The following CSNK1G3 variants were observed in gnomAD, a reference collection of about 807,000 sequenced individuals.
CSNK1G3 encodes the protein casein kinase 1 gamma 3.
A neutral mutation model predicts 64.3 loss-of-function variants in CSNK1G3; 23 were observed. That is an observed-to-expected ratio of 0.36 (90% confidence interval 0.26 to 0.51). The LOEUF (loss-of-function observed/expected upper bound fraction) is 0.51, where lower values mean the gene tolerates loss of function less well. Among genes scored for constraint, CSNK1G3 ranks in the 20% least tolerant of loss-of-function variants. The pLI is 0.96. For missense variants in CSNK1G3, 357 were observed against 510.5 expected (o/e 0.70, Z 2.90); for synonymous variants, 158 against 162.2 (o/e 0.97, Z 0.20).
chr5:123,602,484 C>T (rs995639323), intron 10 of CSNK1G3, among the ~76,000 whole-genome samples: 2 of 152,140 alleles, frequency 1.3e-5, no homozygotes, highest in Admixed American at 6.6e-5. Context: ...ACTATAAATA[C>T]TACTTTTAAG....
intron 6 of CSNK1G3, among the ~76,000 whole-genome samples, chr5:123,583,045 C>T (rs1353768949): frequency 1.3e-5 from 2 of 152,202 alleles, no homozygotes; most frequent in East Asian, 3.9e-4. Context: ...TCTGATAGAA[C>T]CATGTAGGCG....
intron 4 of CSNK1G3, among the ~76,000 whole-genome samples, chr5:123,569,526 A>G (rs1432880301): frequency 1.3e-5 from 2 of 152,250 alleles, no homozygotes; most frequent in Non-Finnish European, 2.9e-5. Context: ...CATGTATTTC[A>G]AATACTAACA....
intron 10 of CSNK1G3, 77 bp from the exon 11 acceptor site, chr5:123,594,962 A>G (rs1793146465): frequency 1.6e-6 from 2 of 1,225,724 alleles, no homozygotes; most frequent in Non-Finnish European, 1.2e-6. Flanking sequence ...TTTGTTTTAT[A>G]TATTATGAGG....
chr5:123,562,038 T>C (rs558915048), intron 4 of CSNK1G3, among the ~76,000 whole-genome samples: 1 of 152,164 alleles, frequency 6.6e-6, no homozygotes, highest in Non-Finnish European at 1.5e-5. Context: ...GGCACATCAT[T>C]TAGTATAAAG....
chr5:123,593,649 T>C (rs1049521459), intron 10 of CSNK1G3, among the ~76,000 whole-genome samples: 1 of 152,248 alleles, frequency 6.6e-6, no homozygotes, highest in Admixed American at 6.5e-5. Flanking sequence ...TTCATCTGAT[T>C]TGATTTCAAC....
chr5:123,581,850 CT>C (rs1177091466), intron 6 of CSNK1G3, among the ~76,000 whole-genome samples: 3 of 151,602 alleles, frequency 2.0e-5, no homozygotes, highest in African/African-American at 7.3e-5. Context: ...CCTTTTCTTC[CT>C]TGTAGTAGAT....
rs146206513 is a variant in CSNK1G3, at chr5:123,610,941, C to A, written c.1218-3401C>A. On this transcript the variant is annotated intron_variant, in intron 12 of 12. Transcript: ENST00000345990. ...CAGTTTGTTGGGCTATAACTGTGAG[C>A]AGTCCTTTATGAAGCTTAAATTCTA... 1.6e-4 allele frequency among the ~76,000 whole-genome samples: 25 copies of A among 152,316 alleles called. 1 individual carries two copies. Among genetic ancestry groups the A allele is most frequent in the Admixed American group, 9.1e-4 (14 of 15,306 alleles).
At chr5:123,527,207 C>A (rs1028749914) in intron 1 of CSNK1G3, among the ~76,000 whole-genome samples, 1 of 152,132 alleles carries the variant, frequency 6.6e-6, no homozygotes, top group African/African-American at 2.4e-5. Flanking sequence ...TCAATGAATG[C>A]AATCTTCATT....
intron 4 of CSNK1G3, among the ~76,000 whole-genome samples, chr5:123,565,948 G>C (rs1050226973): frequency 6.6e-6 from 1 of 152,120 alleles, no homozygotes; most frequent in South Asian, 2.1e-4. Flanking sequence ...ATAACTCAAC[G>C]TAAGATTTAG....
At chr5:123,556,401 A>G (rs1249507216) in intron 3 of CSNK1G3, among the ~76,000 whole-genome samples, 2 of 151,886 alleles carry the variant, frequency 1.3e-5, no homozygotes, top group Admixed American at 1.3e-4. Flanking sequence ...TTTCCTCCTG[A>G]TACTGTTATC....
intron 1 of CSNK1G3, among the ~76,000 whole-genome samples, chr5:123,537,081 A>G (rs980407170): frequency 1.3e-5 from 2 of 152,194 alleles, no homozygotes; most frequent in African/African-American, 4.8e-5. Flanking sequence ...CAATCTCACT[A>G]CTGGGTATCT....
At chr5:123,545,561 C>A in exon 2 of CSNK1G3, 1 of 822,280 alleles carries the variant, frequency 1.2e-6, no homozygotes, top group East Asian at 2.7e-5. Context: ...TTAACATTAC[C>A]CATCTGGTAC....
intron 6 of CSNK1G3, among the ~76,000 whole-genome samples, chr5:123,578,700 CTT>C (rs1387054245): frequency 1.3e-5 from 2 of 151,878 alleles, no homozygotes; most frequent in African/African-American, 2.4e-5. Flanking sequence ...GTAAACAAAT[CTT>C]TACCTTCATT....
At chr5:123,567,566 A>C (rs1337595787) in intron 4 of CSNK1G3, among the ~76,000 whole-genome samples, 1 of 152,152 alleles carries the variant, frequency 6.6e-6, no homozygotes, top group Non-Finnish European at 1.5e-5. Context: ...AGATCGCACA[A>C]CTGTATTCCA....
chr5:123,545,807 A>G, exon 2 of CSNK1G3: 1 of 1,613,654 alleles, frequency 6.2e-7, no homozygotes, highest in Non-Finnish European at 8.5e-7. Context: ...TTGGAAAAAA[A>G]ATTGGATGTG....
At chr5:123,544,510 T>C (rs1388287321) in intron 1 of CSNK1G3, among the ~76,000 whole-genome samples, 1 of 152,192 alleles carries the variant, frequency 6.6e-6, no homozygotes, top group Non-Finnish European at 1.5e-5. Context: ...CCTTGTTTCT[T>C]CATTAGTGAC....
At chr5:123,535,896 G>A (rs965939116) in intron 1 of CSNK1G3, among the ~76,000 whole-genome samples, 1 of 151,980 alleles carries the variant, frequency 6.6e-6, no homozygotes, top group Non-Finnish European at 1.5e-5. Context: ...ACTTGACTCT[G>A]GATCCTCTTT....
At chr5:123,546,019 C>CT in intron 2 of CSNK1G3, 178 bp downstream of exon 2, 1 of 607,188 alleles carries the variant, frequency 1.6e-6, no homozygotes, top group South Asian at 2.1e-5. Context: ...AAGGAATTCC[C>CT]TAGTATAGGA....
At chr5:123,616,991 T>C (rs1395429055) in exon 13 of CSNK1G3, 1 of 152,174 alleles carries the variant, frequency 6.6e-6, no homozygotes, top group South Asian at 2.1e-4. Context: ...ATAAAAAAAA[T>C]TATACTTCTC....
Sources: gnomAD v4.1 joint callset for allele counts (sites outside exome capture counted in the v4.1 genomes callset) on GRCh38, gnomAD v4.1.1 for gene constraint, MANE v1.5 for transcripts, NCBI Gene and HGNC (gene_info 2026-07-23, HGNC 2026-07-21) for gene names.